The following IL34 variants were observed in gnomAD, a reference collection of about 807,000 sequenced individuals.
IL34 encodes interleukin 34, also known as interleukin-34.
IL34 carries 17 observed loss-of-function variants against 25.3 expected under a neutral mutation model. The ratio of observed to expected loss-of-function variants is 0.67; its 90% CI spans 0.46 to 1.01. The LOEUF (loss-of-function observed/expected upper bound fraction) is 1.01. Ranked by LOEUF, IL34 falls within the 50% of genes least tolerant of loss-of-function variation. IL34 has a pLI of 0.00. For missense variants in IL34, 368 were observed against 312.9 expected (o/e 1.18, Z -1.33); for synonymous variants, 174 against 140.9 (o/e 1.23, Z -1.66).
intron 1 of IL34, among the ~76,000 whole-genome samples, chr16:70,604,247 A>T (rs2050962939): frequency 6.6e-6 from 1 of 152,196 alleles, no homozygotes; most frequent in Non-Finnish European, 1.5e-5. Flanking sequence ...AACCCAAAAT[A>T]AAAAAATGTG....
intron 1 of IL34, among the ~76,000 whole-genome samples, chr16:70,638,234 T>G (rs941902489): frequency 6.6e-6 from 1 of 152,106 alleles, no homozygotes; most frequent in Non-Finnish European, 1.5e-5. Context: ...CCCAGCACTT[T>G]GGGAGGCCAA....
rs77101515 is a variant in IL34, at chr16:70,605,969, G to GTTT, written c.-401+25941_-401+25943dup. ...TTACAGGCGTGAGCCACCGCACCTG[G>GTTT]TTTTTTTTTTTTTTTTTTTTTTTAA... On this transcript the variant is annotated intron_variant, in intron 1 of 6. Transcript: ENST00000429149. Among the ~76,000 whole-genome samples the GTTT allele has an allele frequency of 5.4e-3, 666 of 123,180 alleles. 8 individuals carry two copies. Among genetic ancestry groups the GTTT allele is most frequent in the African/African-American group, 0.019 (597 of 32,128 alleles). 80.8% of individuals were successfully genotyped at this position (123,180 alleles called of 152,430 possible).
intron 1 of IL34, among the ~76,000 whole-genome samples, chr16:70,623,382 G>A (rs2051321213): frequency 6.6e-6 from 1 of 152,050 alleles, no homozygotes; most frequent in African/African-American, 2.4e-5. Context: ...GGTTGATAAG[G>A]CACAGATCCT....
At chr16:70,658,521 C>T (rs931728576) in intron 4 of IL34, among the ~76,000 whole-genome samples, 7 of 151,570 alleles carry the variant, frequency 4.6e-5, no homozygotes, top group Non-Finnish European at 8.8e-5. Context: ...CTCACTGTGT[C>T]GCCCAGGTGC....
rs1051172900 is a variant in IL34, at chr16:70,602,379, G to A, written c.-401+22330G>A. ...GCTTTGGTTTCCTTATCTTTAAAAT[G>A]AGGGTGAGCCGGGAACAGTGGCTCA... On this transcript the variant is annotated intron_variant, in intron 1 of 6. Transcript: ENST00000429149. 1.2e-4 allele frequency among the ~76,000 whole-genome samples: 18 copies of A among 152,088 alleles called. 1 individual carries two copies. Among genetic ancestry groups the A allele is most frequent in the African/African-American group, 4.3e-4 (18 of 41,436 alleles).
chr16:70,644,034 G>C (rs375132737), upstream of IL34, among the ~76,000 whole-genome samples: 4 of 152,256 alleles, frequency 2.6e-5, no homozygotes, highest in African/African-American at 9.6e-5. Context: ...GAGGGCAGTG[G>C]AGCAATCTTG....
intron 1 of IL34, among the ~76,000 whole-genome samples, chr16:70,605,150 G>A (rs1022437746): frequency 6.6e-6 from 1 of 151,938 alleles, no homozygotes; most frequent in Non-Finnish European, 1.5e-5. Flanking sequence ...GGAGATCCTG[G>A]GTCTGTGGAG....
At chr16:70,622,451 A>T (rs2051302486) in intron 1 of IL34, among the ~76,000 whole-genome samples, 1 of 132,184 alleles carries the variant, frequency 7.6e-6, no homozygotes, top group African/African-American at 2.6e-5. Flanking sequence ...CACGATGGAA[A>T]GGAAATGAGA....
In IL34 at chr16:70,646,923, T is replaced by A. The variant is rs1250928799; in HGVS notation, c.-25T>A. 6.8e-7 allele frequency: 1 copy of A among 1,479,850 alleles called. No individual in the cohort carries two copies. The highest frequency in any genetic ancestry group is 1.5e-5 in the African/African-American group (1 of 67,710). 91.7% of individuals were successfully genotyped at this position (1,479,850 alleles called of 1,614,324 possible). A position where few individuals can be genotyped will look rare whatever the true frequency, so the allele number is the denominator to read the frequency against. ...ACACTGCTGGGGACGGCGCCTGAGC[T>A]CTCAGGGGGACGAGGAACACCACCA... is the stretch of plus-strand genomic sequence containing the variant. On this transcript the variant is annotated 5_prime_UTR_variant, in exon 1 of 6. Transcript: ENST00000288098.
upstream of IL34, among the ~76,000 whole-genome samples, chr16:70,644,942 GGAAGGAGGAAGA>G (rs1291688368): frequency 1.1e-5 from 1 of 94,074 alleles, no homozygotes; most frequent in Admixed American, 9.1e-5. Flanking sequence ...AGGAAGAGGA[GGAAGGAGGAAGA>G]GGAGGAGGAA....
chr16:70,623,962 C>T (rs55981109), intron 1 of IL34, among the ~76,000 whole-genome samples: 3 of 120,430 alleles, frequency 2.5e-5, no homozygotes, highest in South Asian at 3.2e-4. Flanking sequence ...TTGATTAAGG[C>T]GACGGACTTA....
At chr16:70,591,598 C>T (rs2050755032) in intron 1 of IL34, among the ~76,000 whole-genome samples, 1 of 151,800 alleles carries the variant, frequency 6.6e-6, no homozygotes, top group South Asian at 2.1e-4. Flanking sequence ...AAGAATGGCC[C>T]TCACCGTCCT....
At chr16:70,590,954 T>G (rs1467745190) in intron 1 of IL34, among the ~76,000 whole-genome samples, 1 of 152,206 alleles carries the variant, frequency 6.6e-6, no homozygotes, top group African/African-American at 2.4e-5. Flanking sequence ...TCCCTCTGGC[T>G]GCCTTCACAC....
chr16:70,641,061 C>G (rs1226885441), intron 1 of IL34, among the ~76,000 whole-genome samples: 4 of 152,082 alleles, frequency 2.6e-5, no homozygotes, highest in African/African-American at 7.2e-5. Context: ...CACTTGAGGT[C>G]AGAAATTTGA....
intron 1 of IL34, among the ~76,000 whole-genome samples, chr16:70,649,147 A>G (rs1279512975): frequency 6.6e-6 from 1 of 152,174 alleles, no homozygotes; most frequent in Non-Finnish European, 1.5e-5. Flanking sequence ...GGCTTTCCCT[A>G]GGAGAGAATT....
At chr16:70,645,174 AAGG>A (rs1430508917), upstream of IL34, among the ~76,000 whole-genome samples, 3 of 151,614 alleles carry the variant, frequency 2.0e-5, no homozygotes, top group East Asian at 1.9e-4. Context: ...GAGGAAGAGG[AAGG>A]AGGAAAAGGA....
chr16:70,660,474 A>G lies in IL34; in HGVS notation c.*287A>G, dbSNP rs972843059. The G allele has an allele frequency of 3.8e-5, 13 of 338,082 alleles. No homozygotes were observed. The highest frequency in any genetic ancestry group is 6.4e-5 in the African/African-American group (3 of 47,156). The allele number at this position is 338,082 out of a possible 1,614,324, so 20.9% of individuals were successfully genotyped here. ...GCTGCCCTCACTGTCCCCCCGCCTA[A>G]AGGGGGTACTGAGCCTCCTGTGGCC... On this transcript the variant is annotated 3_prime_UTR_variant, in exon 6 of 6. Transcript: ENST00000288098.
At chr16:70,635,802 T>G (rs779528264) in intron 1 of IL34, among the ~76,000 whole-genome samples, 9 of 152,196 alleles carry the variant, frequency 5.9e-5, no homozygotes, top group Admixed American at 1.3e-4. Context: ...AGTGAGTAAT[T>G]ATAACAATAG....
chr16:70,659,780 T>TG, intron 5 of IL34, 27 bp downstream of exon 5: 3 of 1,579,136 alleles, frequency 1.9e-6, no homozygotes, highest in Non-Finnish European at 1.7e-6. Flanking sequence ...GGATGGCGCC[T>TG]GGGGGTGGGA....
Sources: gnomAD v4.1 joint callset for allele counts (sites outside exome capture counted in the v4.1 genomes callset) on GRCh38, gnomAD v4.1.1 for gene constraint, MANE v1.5 for transcripts, NCBI Gene and HGNC (gene_info 2026-07-23, HGNC 2026-07-21) for gene names.